NR1H3: variants seen among roughly 807,000 people sequenced by gnomAD.
The protein encoded by NR1H3 is nuclear receptor subfamily 1 group H member 3, also known as oxysterols receptor LXR-alpha.
In NR1H3, 19 loss-of-function variants were observed where a neutral mutation model predicts 48.1. That is an observed-to-expected ratio of 0.40 (90% confidence interval 0.28 to 0.58). The LOEUF (loss-of-function observed/expected upper bound fraction) is 0.58. Ranked by LOEUF, NR1H3 falls within the 20% of genes least tolerant of loss-of-function variation. NR1H3 has a pLI of 0.50. For synonymous variants in NR1H3, 232 were observed against 227.3 expected (o/e 1.02, Z -0.19); for missense variants, 486 against 595.9 (o/e 0.82, Z 1.92).
chr11:47,249,095 A>ATG, intron 1 of NR1H3: 1 of 1,220,774 alleles, frequency 8.2e-7, no homozygotes, highest in Admixed American at 2.8e-5. Flanking sequence ...GAAATCCCTT[A>ATG]CCAAGGTGGC....
At position 47,268,280 on chromosome 11, in the gene NR1H3, C is replaced by T. The variant is rs1484832666; in HGVS notation, c.1122C>T (p.Asp374=). 2 of 1,613,950 alleles carry T rather than the reference C, an allele frequency of 1.2e-6. No homozygotes were observed. Among genetic ancestry groups the T allele is most frequent in the Admixed American group, 1.7e-5 (1 of 59,986 alleles). The change falls in exon 9 of 10, where the codon GAC becomes GAT. Residue 374 remains aspartate (D), a synonymous_variant. Transcript: ENST00000441012. The stretch of plus-strand genomic sequence containing the variant: ...CTATAGACCGGCCCAACGTGCAGGA[C>T]CAGCTCCAGGTAGAGAGGCTGCAGC... ...IFSADRPNVQ[D]QLQVERLQHT...
At chr11:47,256,643 C>G (rs1955198266), upstream of NR1H3, among the ~76,000 whole-genome samples, 1 of 139,776 alleles carries the variant, frequency 7.2e-6, no homozygotes, top group Non-Finnish European at 1.5e-5. Flanking sequence ...GAGACCCTAC[C>G]CCAAAAAAGG....
upstream of NR1H3, among the ~76,000 whole-genome samples, chr11:47,255,615 C>CTCTCTCTCTCTT (rs1554981334): frequency 5.4e-5 from 5 of 93,210 alleles, no homozygotes; most frequent in Admixed American, 2.3e-4. Context: ...CTCTCTCTCT[C>CTCTCTCTCTCTT]TCTTTCTTTC....
At chr11:47,248,993 T>G in exon 1 of NR1H3, 3 of 1,491,810 alleles carry the variant, frequency 2.0e-6, no homozygotes, top group African/African-American at 1.4e-5. Flanking sequence ...CGGAGGAGCA[T>G]AAGAAGGTAA....
At chr11:47,250,004 G>A (rs936552274) in intron 1 of NR1H3, among the ~76,000 whole-genome samples, 19 of 152,176 alleles carry the variant, frequency 1.2e-4, no homozygotes, top group Admixed American at 1.2e-3. Context: ...GGAGGCTGAG[G>A]CAGGAGAATC....
upstream of NR1H3, chr11:47,248,761 C>G: frequency 6.2e-7 from 1 of 1,601,008 alleles, no homozygotes; most frequent in Non-Finnish European, 8.5e-7. Flanking sequence ...GAGAGCCGCC[C>G]GGCTCCAGCC....
chr11:47,254,861 T>G (rs1415349936), upstream of NR1H3, among the ~76,000 whole-genome samples: 2 of 152,050 alleles, frequency 1.3e-5, no homozygotes, highest in Non-Finnish European at 2.9e-5. Flanking sequence ...CTACACCCCC[T>G]GTCCACTCTT....
upstream of NR1H3, among the ~76,000 whole-genome samples, chr11:47,255,728 C>T (rs182032801): frequency 1.1e-4 from 16 of 150,698 alleles, no homozygotes; most frequent in South Asian, 2.1e-4. Context: ...AGGGCAATGG[C>T]GCGATCTCGG....
At chr11:47,259,679 CTT>C (rs1955619097) in intron 2 of NR1H3, 110 bp from the exon 3 acceptor site, 2 of 1,550,342 alleles carry the variant, frequency 1.3e-6, no homozygotes, top group Admixed American at 1.9e-5. Context: ...TGAGCTGGGA[CTT>C]TGCTGCCCTC....
upstream of NR1H3, among the ~76,000 whole-genome samples, chr11:47,255,525 CTCTT>C (rs144261611): frequency 0.07 from 9,905 of 141,174 alleles, 491 homozygotes; most frequent in Non-Finnish European, 0.099. Context: ...GTGATAGACT[CTCTT>C]TCTTTCTTTC....
chr11:47,252,068 G>GAAAAAAAAAAAAAA (rs77344433), intron 1 of NR1H3, among the ~76,000 whole-genome samples: 1 of 128,636 alleles, frequency 7.8e-6, no homozygotes, highest in African/African-American at 2.9e-5. Context: ...AAAAAAAAAA[G>GAAAAAAAAAAAAAA]AAAAAAAAAA....
At chr11:47,248,702 C>T (rs144263420), upstream of NR1H3, 21 of 1,612,132 alleles carry the variant, frequency 1.3e-5, no homozygotes, top group Non-Finnish European at 1.7e-5. Flanking sequence ...AGACTCCGGG[C>T]CCGGGTGGGC....
At chr11:47,249,166 G>T (rs1261955445) in intron 1 of NR1H3, among the ~76,000 whole-genome samples, 2 of 152,184 alleles carry the variant, frequency 1.3e-5, no homozygotes. Flanking sequence ...TGACCCCATA[G>T]CTAGATCGGG....
At chr11:47,266,649 T>C (rs1956509625) in intron 7 of NR1H3, among the ~76,000 whole-genome samples, 1 of 150,144 alleles carries the variant, frequency 6.7e-6, no homozygotes, top group Non-Finnish European at 1.5e-5. Flanking sequence ...TCTTTTTCTT[T>C]TTTTTTTTTT....
intron 2 of NR1H3, 95 bp from the exon 3 acceptor site, chr11:47,259,696 G>T (rs752111840): frequency 1.9e-6 from 3 of 1,586,156 alleles, no homozygotes; most frequent in Non-Finnish European, 2.6e-6. Flanking sequence ...GCCCTCTAAG[G>T]GTGGGGATAA....
chr11:47,268,854 T>A lies in NR1H3; in HGVS notation c.*158T>A. The A allele has an allele frequency of 1.1e-6, 1 of 872,066 alleles. No homozygotes were observed. The highest frequency in any genetic ancestry group is 1.7e-6 in the Non-Finnish European group (1 of 579,520). 54.0% of individuals were successfully genotyped at this position (872,066 alleles called of 1,614,324 possible). A position where few individuals can be genotyped will look rare whatever the true frequency, so the allele number is the denominator to read the frequency against. On this transcript the variant is annotated 3_prime_UTR_variant, in exon 10 of 10. Transcript: ENST00000441012. ...AAAGAGAGTCAAAGGGTTGCGAGTT[T>A]TGTGGCTACTGAGCAGTGGAGCCCT...
upstream of NR1H3, among the ~76,000 whole-genome samples, chr11:47,256,368 G>T (rs1955176550): frequency 6.6e-6 from 1 of 152,130 alleles, no homozygotes; most frequent in South Asian, 2.1e-4. Context: ...ACCATTGCTG[G>T]CTCAACTATT....
intron 4 of NR1H3, among the ~76,000 whole-genome samples, chr11:47,260,998 T>C (rs556358213): frequency 6.6e-6 from 1 of 151,838 alleles, no homozygotes; most frequent in East Asian, 1.9e-4. Flanking sequence ...GGCAGGAGAA[T>C]CACTTGAACA....
chr11:47,260,074 C>A, intron 3 of NR1H3, 95 bp downstream of exon 3: 1 of 1,139,884 alleles, frequency 8.8e-7, no homozygotes, highest in Non-Finnish European at 1.2e-6. Flanking sequence ...TATATATAAT[C>A]TCATGGTTAA....
Sources: allele counts gnomAD v4.1 joint callset (sites outside exome capture counted in the v4.1 genomes callset), GRCh38; gene constraint gnomAD v4.1.1; transcripts MANE v1.5; gene names NCBI Gene and HGNC (gene_info 2026-07-23, HGNC 2026-07-21).